The following DNAJC3 variants were observed in gnomAD, a reference collection of about 807,000 sequenced individuals.
DNAJC3 encodes DnaJ heat shock protein family (Hsp40) member C3, also known as dnaJ homolog subfamily C member 3.
A neutral mutation model predicts 68.6 loss-of-function variants in DNAJC3; 38 were observed. The ratio of observed to expected loss-of-function variants is 0.55; its 90% confidence interval spans 0.43 to 0.73. The LOEUF (loss-of-function observed/expected upper bound fraction) is 0.73. Among genes scored for constraint, DNAJC3 ranks in the 30% least tolerant of loss-of-function variants. The pLI is 0.00. For synonymous variants in DNAJC3, 203 were observed against 204.0 expected, an observed-to-expected ratio of 1.00 and a Z score of 0.04; for missense variants, 526 against 591.9, an observed-to-expected ratio of 0.89 and a Z score of 1.16.
chr13:95,791,960 A>G lies in DNAJC3; in HGVS notation c.*930A>G, dbSNP rs553556155. ...ATAAATACAGAATGCCATGTTCTCC[A>G]CTTCTAAGTAAAGACAGTGGGCAGC... On this transcript the variant is annotated 3_prime_UTR_variant, in exon 12 of 12. Coordinates refer to ENST00000602402, the MANE Select transcript of DNAJC3 (RefSeq NM_006260.5). The G allele has an allele frequency of 2.6e-5, 4 of 152,324 alleles. No individual in the cohort carries two copies. Among genetic ancestry groups the G allele is most frequent in the Admixed American group, 6.5e-5 (1 of 15,302 alleles). 9.4% of individuals were successfully genotyped at this position (152,324 alleles called of 1,614,324 possible). A position where few individuals can be genotyped will look rare whatever the true frequency, so the allele number is the denominator to read the frequency against.
intron 4 of DNAJC3, chr13:95,742,643 G>A (rs778536832): frequency 9.7e-6 from 5 of 516,134 alleles, no homozygotes; most frequent in South Asian, 5.6e-5. Context: ...GGTGTTTCCT[G>A]TTCCTTCTCT....
At chr13:95,685,819 T>C (rs1054813193) in intron 1 of DNAJC3, among the ~76,000 whole-genome samples, 3 of 151,902 alleles carry the variant, frequency 2.0e-5, no homozygotes, top group African/African-American at 7.3e-5. Context: ...TTTTTAGTAA[T>C]AGCCACTCAG....
intron 3 of DNAJC3, 105 bp from the exon 4 acceptor site, chr13:95,725,073 T>C: frequency 1.4e-6 from 1 of 712,652 alleles, no homozygotes. Flanking sequence ...ACTGGAAAAA[T>C]AAATATTTAT....
intron 1 of DNAJC3, among the ~76,000 whole-genome samples, chr13:95,683,467 GCAGTATCTC>G (rs1241034830): frequency 6.6e-6 from 1 of 152,152 alleles, no homozygotes; most frequent in Non-Finnish European, 1.5e-5. Context: ...TTAAAAGTGT[GCAGTATCTC>G]CCCCCTCTCT....
intron 1 of DNAJC3, among the ~76,000 whole-genome samples, chr13:95,702,525 A>G (rs1442906703): frequency 6.6e-6 from 1 of 152,196 alleles, no homozygotes; most frequent in Non-Finnish European, 1.5e-5. Context: ...CAGGGCCTTA[A>G]GGAGAAGGTG....
chr13:95,725,136 TC>T (rs755681496), intron 3 of DNAJC3, 41 bp from the exon 4 acceptor site: 1 of 1,327,406 alleles, frequency 7.5e-7, no homozygotes, highest in South Asian at 1.7e-5. Context: ...GATTTAGAAA[TC>T]TATAATATTC....
At chr13:95,778,233 T>C (rs1276199847) in intron 9 of DNAJC3, among the ~76,000 whole-genome samples, 1 of 152,164 alleles carries the variant, frequency 6.6e-6, no homozygotes, top group African/African-American at 2.4e-5. Flanking sequence ...ATGAAAAATA[T>C]TGGAGACATT....
Position 95,787,163 on chromosome 13 carries a change from T to G in DNAJC3, c.1357+8T>G. ...AAGTCCTCTCTGATCCAGGTATTATTAGCTTTTATTCCTTTGACTCATCCT... is the reference window on the plus strand; with the variant it reads ...AAGTCCTCTCTGATCCAGGTATTATGAGCTTTTATTCCTTTGACTCATCCT... On this transcript the variant is annotated splice_region_variant and intron_variant, in intron 11 of 11. Coordinates refer to ENST00000602402, the MANE Select transcript of DNAJC3 (RefSeq NM_006260.5). 6.2e-7 allele frequency: 1 copy of G among 1,607,892 alleles called. No homozygotes were observed. The highest frequency in any genetic ancestry group is 8.5e-7 in the Non-Finnish European group (1 of 1,178,362).
At chr13:95,698,929 G>A (rs926947352) in intron 1 of DNAJC3, among the ~76,000 whole-genome samples, 3 of 152,190 alleles carry the variant, frequency 2.0e-5, no homozygotes, top group Non-Finnish European at 4.4e-5. Context: ...ATATCTGAAG[G>A]GATTTAGTTT....
intron 4 of DNAJC3, among the ~76,000 whole-genome samples, chr13:95,753,512 T>C (rs1882552053): frequency 6.6e-6 from 1 of 152,224 alleles, no homozygotes; most frequent in African/African-American, 2.4e-5. Flanking sequence ...AAATTTTTGC[T>C]ACTTATCCCA....
rs1168046117 is a variant in DNAJC3 at position 95,763,333 on chromosome 13, C to T, written c.849-310C>T. Among the ~76,000 whole-genome samples the T allele has an allele frequency of 2.0e-5, 3 of 152,202 alleles. No homozygotes were observed. In the East Asian group the frequency reaches 5.8e-4, roughly 29 times the overall value. On this transcript the variant is annotated intron_variant, in intron 7 of 11. Coordinates refer to ENST00000602402, the MANE Select transcript of DNAJC3 (RefSeq NM_006260.5). ...AGTCAGACTTCAACAGGGTGTTTTA[C>T]TCAGGTTTGGAATTCTGAGCAATGT...
chr13:95,743,706 C>T (rs776409246), intron 4 of DNAJC3, among the ~76,000 whole-genome samples: 1 of 152,046 alleles, frequency 6.6e-6, no homozygotes, highest in African/African-American at 2.4e-5. Context: ...CATAGGTGCC[C>T]GCTACCACAC....
rs755441205 is a variant in DNAJC3, at chr13:95,764,645, CATATATATATATAT to C, written c.1075+718_1075+731del. ...TATACAGTTTTTGAAAAATAGAATC[CATATATATATATAT>C]ATATATATATATATATATATATATA... is the stretch of plus-strand genomic sequence containing the variant. On this transcript the variant is annotated intron_variant, in intron 9 of 11. Transcript: ENST00000602402. 2.1e-3 allele frequency among the ~76,000 whole-genome samples: 121 copies of C among 56,518 alleles called. 3 individuals are homozygous for C. The South Asian group carries it at 0.044, about 20-fold the overall frequency. 37.1% of individuals were successfully genotyped at this position (56,518 alleles called of 152,430 possible).
intron 9 of DNAJC3, among the ~76,000 whole-genome samples, chr13:95,764,695 C>CATATATATATACATATATATATACACAT (rs1566506753): frequency 4.4e-5 from 5 of 114,792 alleles, no homozygotes; most frequent in African/African-American, 1.4e-4. Context: ...CACACACACA[C>CATATATATATACATATATATATACACAT]ATATATATAT....
At chr13:95,758,385 C>T (rs534814235) in intron 5 of DNAJC3, among the ~76,000 whole-genome samples, 5 of 151,460 alleles carry the variant, frequency 3.3e-5, no homozygotes, top group South Asian at 4.2e-4. Context: ...CCTGTAATCC[C>T]AGCACTTTGG....
At chr13:95,777,984 G>A (rs1395875691) in intron 9 of DNAJC3, among the ~76,000 whole-genome samples, 2 of 152,064 alleles carry the variant, frequency 1.3e-5, no homozygotes, top group African/African-American at 2.4e-5. Context: ...AAAACTAGAA[G>A]TCAGTAACAG....
chr13:95,789,650 T>C (rs148160484), intron 11 of DNAJC3, among the ~76,000 whole-genome samples: 1 of 152,350 alleles, frequency 6.6e-6, no homozygotes, highest in East Asian at 1.9e-4. Flanking sequence ...GAACAATTTA[T>C]ATTCTTTTGG....
chr13:95,782,824 A>G (rs980840517), intron 9 of DNAJC3, among the ~76,000 whole-genome samples: 2 of 152,192 alleles, frequency 1.3e-5, no homozygotes, highest in Non-Finnish European at 2.9e-5. Context: ...TAGTTTAATT[A>G]GATCCCATTT....
At chr13:95,686,648 A>G (rs558596152) in intron 1 of DNAJC3, among the ~76,000 whole-genome samples, 9 of 152,078 alleles carry the variant, frequency 5.9e-5, no homozygotes, top group Non-Finnish European at 1.2e-4. Context: ...CCTGTTGTTT[A>G]TATTTGTCAG....
Sources: gnomAD v4.1 joint callset for allele counts (sites outside exome capture counted in the v4.1 genomes callset) on GRCh38, gnomAD v4.1.1 for gene constraint, MANE v1.5 for transcripts, NCBI Gene and HGNC (gene_info 2026-07-23, HGNC 2026-07-21) for gene names.